ZNF487: variants seen among roughly 807,000 people sequenced by gnomAD.
ZNF487 encodes zinc finger protein 487, also known as KRAB domain only 1.
Under a neutral mutation model 3.0 loss-of-function variants are expected in ZNF487, and 4 were observed. The observed-to-expected ratio is 1.35, with a 90% CI of 0.66 to 3.08. The LOEUF is 3.08. ZNF487 is among the 30% of genes most tolerant of loss of function. The pLI, the probability that ZNF487 is intolerant of heterozygous loss-of-function variation, is 0.01. For missense variants in ZNF487, 146 were observed against 98.7 expected, an observed-to-expected ratio of 1.48 and a Z score of -2.03; for synonymous variants, 55 against 34.6, an observed-to-expected ratio of 1.59 and a Z score of -2.06.
chr10:43,466,770 A>T (rs1265015870), intron 1 of ZNF487, among the ~76,000 whole-genome samples: 5 of 152,222 alleles, frequency 3.3e-5, no homozygotes, highest in African/African-American at 9.6e-5. Context: ...TCAAAATGTT[A>T]CTGCTCATTG....
chr10:43,456,288 TGTAAG>T (rs1840198723), intron 1 of ZNF487, among the ~76,000 whole-genome samples: 1 of 152,158 alleles, frequency 6.6e-6, no homozygotes, highest in East Asian at 1.9e-4. Flanking sequence ...GAGCAGCACT[TGTAAG>T]GTAGAGGAAG....
the ZNF487 span, chr10:43,496,049 T>G: frequency 1.9e-6 from 1 of 534,378 alleles, no homozygotes; most frequent in Non-Finnish European, 3.8e-6. Context: ...GACTGTGGAC[T>G]TCACCCAGGA....
intron 1 of ZNF487, among the ~76,000 whole-genome samples, chr10:43,439,421 GGCCGGGT>G (rs1337580698): frequency 1.3e-5 from 2 of 151,946 alleles, no homozygotes; most frequent in African/African-American, 4.8e-5. Flanking sequence ...AAAATAAGAT[GGCCGGGT>G]GCGGTGGCTA....
At chr10:43,484,584 G>A (rs963115630), downstream of ZNF487, among the ~76,000 whole-genome samples, 1 of 152,074 alleles carries the variant, frequency 6.6e-6, no homozygotes, top group Non-Finnish European at 1.5e-5. Context: ...GCCAGCCTGG[G>A]CGACGGAGCA....
rs182569510 is a variant in ZNF487 at position 43,447,020 on chromosome 10, C to T, written c.-94+9758C>T. On this transcript the variant is annotated intron_variant, in intron 1 of 3. Coordinates refer to ENST00000437590, the MANE Select transcript of ZNF487 (RefSeq NM_001355444.3). Reference sequence around the variant, plus strand: ...CAGCCTGGCCAACACGGCGAAACCCCGTCTCCACCAAAAAAAAAACCAGTC... The same window carrying T: ...CAGCCTGGCCAACACGGCGAAACCCTGTCTCCACCAAAAAAAAAACCAGTC... 3.8e-3 allele frequency among the ~76,000 whole-genome samples: 581 copies of T among 151,968 alleles called. 2 individuals carry two copies. The highest frequency in any genetic ancestry group is 5.4e-3 in the Non-Finnish European group (365 of 67,910).
At chr10:43,516,743 G>A in the ZNF487 span, among the ~76,000 whole-genome samples, 1 of 152,194 alleles carries the variant, frequency 6.6e-6, no homozygotes, top group Non-Finnish European at 1.5e-5. Context: ...GCCCCACCCA[G>A]ATTAAAGGTG....
At chr10:43,518,910 C>T in the ZNF487 span, among the ~76,000 whole-genome samples, 1 of 152,170 alleles carries the variant, frequency 6.6e-6, no homozygotes, top group African/African-American at 2.4e-5. Flanking sequence ...ACGTTAAATT[C>T]TTCTTGGGTT....
At chr10:43,464,656 A>C (rs1432203257) in intron 1 of ZNF487, among the ~76,000 whole-genome samples, 2 of 152,202 alleles carry the variant, frequency 1.3e-5, no homozygotes, top group Non-Finnish European at 1.5e-5. Flanking sequence ...CTGAGTTGAC[A>C]CAGCACATGT....
chr10:43,489,992 A>G, the ZNF487 span, among the ~76,000 whole-genome samples: 3 of 152,336 alleles, frequency 2.0e-5, no homozygotes, highest in South Asian at 2.1e-4. Context: ...AAAAAAAGCA[A>G]TGCCCATTTA....
At chr10:43,486,415 A>G (rs988630047), downstream of ZNF487, among the ~76,000 whole-genome samples, 1 of 151,794 alleles carries the variant, frequency 6.6e-6, no homozygotes, top group Admixed American at 6.6e-5. Flanking sequence ...AATCCCAGCT[A>G]CTCGGGAGGC....
chr10:43,498,839 G>A, the ZNF487 span, among the ~76,000 whole-genome samples: 1 of 151,740 alleles, frequency 6.6e-6, no homozygotes, highest in African/African-American at 2.4e-5. Context: ...CAACTCGGGA[G>A]GTTGAGGCAG....
At chr10:43,457,028 G>T (rs565507161) in intron 1 of ZNF487, among the ~76,000 whole-genome samples, 60 of 152,314 alleles carry the variant, frequency 3.9e-4, no homozygotes, top group African/African-American at 1.4e-3. Context: ...TACTCAGAAA[G>T]TAGTTCAGGA....
the ZNF487 span, chr10:43,495,879 A>C: frequency 7.9e-6 from 3 of 379,994 alleles, no homozygotes; most frequent in Non-Finnish European, 1.7e-5. Flanking sequence ...ATAATGCCAA[A>C]TAAAGGACAG....
At chr10:43,498,097 ATATTTTTTTTTTTTTTCTTTTTTTTT>A in the ZNF487 span, among the ~76,000 whole-genome samples, 10 of 10,048 alleles carry the variant, frequency 1.0e-3, no homozygotes, top group South Asian at 7.4e-3. Context: ...ATATATATAT[ATATTTTTTTTTTTTTTCTTTTTTTTT>A]TTTTTTTTTT....
At chr10:43,477,303 T>C (rs1311575701) in intron 3 of ZNF487, among the ~76,000 whole-genome samples, 1 of 151,850 alleles carries the variant, frequency 6.6e-6, no homozygotes, top group Non-Finnish European at 1.5e-5. Context: ...TCAGAGATTC[T>C]CATACCTCAG....
At chr10:43,515,438 A>T in the ZNF487 span, among the ~76,000 whole-genome samples, 2 of 152,204 alleles carry the variant, frequency 1.3e-5, no homozygotes, top group African/African-American at 4.8e-5. Context: ...GGATGTTGCC[A>T]CTACCAGGGA....
the ZNF487 span, among the ~76,000 whole-genome samples, chr10:43,501,244 A>T: frequency 1.3e-5 from 2 of 152,186 alleles, no homozygotes; most frequent in Admixed American, 6.5e-5. Flanking sequence ...ATAGGCACTT[A>T]CCATGCATGG....
chr10:43,444,820 G>A (rs1392072346), intron 1 of ZNF487, among the ~76,000 whole-genome samples: 1 of 152,004 alleles, frequency 6.6e-6, no homozygotes, highest in African/African-American at 2.4e-5. Flanking sequence ...CTCCTGCCTC[G>A]GCCTCCCAGG....
chr10:43,464,052 C>T (rs1840547373), intron 1 of ZNF487, among the ~76,000 whole-genome samples: 1 of 152,160 alleles, frequency 6.6e-6, no homozygotes, highest in African/African-American at 2.4e-5. Flanking sequence ...ATACATCTCT[C>T]ACTTTAAATC....
Sources: gnomAD v4.1 joint callset for allele counts (sites outside exome capture counted in the v4.1 genomes callset) on GRCh38, gnomAD v4.1.1 for gene constraint, MANE v1.5 for transcripts, NCBI Gene and HGNC (gene_info 2026-07-23, HGNC 2026-07-21) for gene names.